Variants in SCAI observed in about 807,000 individuals in gnomAD.
SCAI encodes protein SCAI.
Under a neutral mutation model 92.2 loss-of-function variants are expected in SCAI, and 24 were observed. That is an observed-to-expected ratio of 0.26 (90% CI 0.19 to 0.37). The LOEUF (loss-of-function observed/expected upper bound fraction) is 0.37, where lower values mean the gene tolerates loss of function less well. Ranked by LOEUF, SCAI falls within the 10% of genes least tolerant of loss-of-function variation. The probability of loss-of-function intolerance (pLI) is 1.00; values close to 1 mark genes in which losing one functional copy is unlikely to be tolerated. For missense variants in SCAI, 450 were observed against 736.2 expected (o/e 0.61, Z 4.50); for synonymous variants, 261 against 258.6 (o/e 1.01, Z -0.09).
At chr9:125,114,414 A>G (rs939648862) in intron 2 of SCAI, among the ~76,000 whole-genome samples, 1 of 152,200 alleles carries the variant, frequency 6.6e-6, no homozygotes, top group Non-Finnish European at 1.5e-5. Flanking sequence ...AAAAAAAATT[A>G]TACATCTAGT....
intron 14 of SCAI, among the ~76,000 whole-genome samples, chr9:124,976,746 C>T (rs1831765203): frequency 1.3e-5 from 2 of 152,100 alleles, no homozygotes; most frequent in South Asian, 2.1e-4. Context: ...AAATCATAAG[C>T]TGTGTGGTAA....
At chr9:125,054,457 G>C (rs1833624075) in intron 3 of SCAI, among the ~76,000 whole-genome samples, 1 of 151,082 alleles carries the variant, frequency 6.6e-6, no homozygotes, top group African/African-American at 2.4e-5. Flanking sequence ...CTTTATCTCT[G>C]AATTTTCGTA....
At chr9:125,042,841 C>A (rs1442420487) in intron 3 of SCAI, among the ~76,000 whole-genome samples, 1 of 146,506 alleles carries the variant, frequency 6.8e-6, no homozygotes, top group Admixed American at 6.9e-5. Context: ...TTTCTGGGAC[C>A]ACATTCTGCT....
chr9:125,040,730 G>A (rs937501885), intron 3 of SCAI, among the ~76,000 whole-genome samples: 10 of 151,674 alleles, frequency 6.6e-5, no homozygotes, highest in African/African-American at 1.9e-4. Context: ...GGGTTCAAGC[G>A]TTCTCCTGAC....
In SCAI at chr9:125,055,865, A is replaced by G. The variant is rs775369697; in HGVS notation, c.230+11T>C. 5.7e-6 allele frequency: 9 copies of G among 1,585,402 alleles called. No individual in the cohort carries two copies. In the South Asian group the frequency reaches 9.4e-5, roughly 17 times the overall value. ...CTAAAGAAAAGTTCAAAACACCAAG[A>G]GTCCACTCACCTTAACCCATTGAAC... On this transcript the variant is annotated intron_variant, in intron 3 of 17. Coordinates refer to ENST00000336505, the MANE Select transcript of SCAI (RefSeq NM_001144877.3).
chr9:124,984,281 G>T (rs1224870652), intron 14 of SCAI, among the ~76,000 whole-genome samples: 1 of 152,182 alleles, frequency 6.6e-6, no homozygotes, highest in Admixed American at 6.5e-5. Flanking sequence ...GATCAGAGAT[G>T]TTTTTGGAAG....
intron 2 of SCAI, among the ~76,000 whole-genome samples, chr9:125,106,127 A>ATATATATATATG (rs1165192980): frequency 1.2e-5 from 1 of 86,644 alleles, no homozygotes; most frequent in Non-Finnish European, 2.1e-5. Flanking sequence ...AAAAAAATAT[A>ATATATATATATG]TATATATATA....
chr9:125,025,860 T>G (rs1005989226), intron 6 of SCAI, among the ~76,000 whole-genome samples: 2 of 152,228 alleles, frequency 1.3e-5, no homozygotes, highest in East Asian at 3.8e-4. Flanking sequence ...AAAGTGTTCT[T>G]GAGAAAAACA....
chr9:124,985,866 TAAAA>T (rs199869823), intron 14 of SCAI, among the ~76,000 whole-genome samples: 2 of 58,470 alleles, frequency 3.4e-5, no homozygotes, highest in Non-Finnish European at 7.4e-5. Context: ...TCTGTCTCAA[TAAAA>T]AAAAAAAAAA....
intron 14 of SCAI, among the ~76,000 whole-genome samples, chr9:124,983,598 C>A (rs773718250): frequency 6.6e-6 from 1 of 152,226 alleles, no homozygotes; most frequent in Non-Finnish European, 1.5e-5. Context: ...GGCAATCCAC[C>A]CGCCTCAGCC....
intron 2 of SCAI, among the ~76,000 whole-genome samples, chr9:125,094,395 G>A (rs536059476): frequency 3.9e-5 from 6 of 152,236 alleles, no homozygotes; most frequent in East Asian, 3.9e-4. Context: ...AGCTTGGACC[G>A]CTCTTCCCAA....
In SCAI at chr9:125,091,004, G is replaced by T. The variant is rs1360768974; in HGVS notation, c.99-34997C>A. Among the ~76,000 whole-genome samples, 2 of 152,152 alleles carry T rather than the reference G, an allele frequency of 1.3e-5. No homozygotes were observed. Among genetic ancestry groups the T allele is most frequent in the Non-Finnish European group, 2.9e-5 (2 of 68,022 alleles). ...ATGGTGGCAGGCGCCTGTAGTTCCA[G>T]CTACTCCGGAGGCTGAGGCAGGAGA... is the stretch of plus-strand genomic sequence containing the variant. On this transcript the variant is annotated intron_variant, in intron 2 of 17. Coordinates refer to ENST00000336505, the MANE Select transcript of SCAI (RefSeq NM_001144877.3). The surrounding 1 kb of genome is among the most constrained non-coding windows in gnomAD (Gnocchi z 4.3).
intron 2 of SCAI, among the ~76,000 whole-genome samples, chr9:125,104,122 TA>T (rs1174126919): frequency 6.6e-6 from 1 of 151,974 alleles, no homozygotes; most frequent in African/African-American, 2.4e-5. Context: ...AAAACTACAA[TA>T]AAAAAATAAA....
At chr9:125,108,760 C>T (rs1354136981) in intron 2 of SCAI, among the ~76,000 whole-genome samples, 1 of 151,604 alleles carries the variant, frequency 6.6e-6, no homozygotes, top group Non-Finnish European at 1.5e-5. Flanking sequence ...GCCCGGCAGC[C>T]GCCCCGTCCG....
intron 1 of SCAI, 54 bp downstream of exon 1, chr9:125,143,331 C>T (rs1345486082): frequency 8.8e-7 from 1 of 1,130,572 alleles, no homozygotes; most frequent in South Asian, 2.5e-5. Flanking sequence ...CCCCTGGGCC[C>T]GCTCCCTGGC....
At chr9:124,963,470 C>T (rs951966394) in intron 17 of SCAI, among the ~76,000 whole-genome samples, 6 of 151,952 alleles carry the variant, frequency 3.9e-5, no homozygotes, top group Admixed American at 3.9e-4. Context: ...TTGGCCAGGG[C>T]TGAGCACGGT....
intron 14 of SCAI, among the ~76,000 whole-genome samples, chr9:124,978,900 G>A (rs572164407): frequency 5.5e-4 from 83 of 151,428 alleles, no homozygotes; most frequent in African/African-American, 2.0e-3. Context: ...TCGCTCTGTC[G>A]CCCAGGCTGG....
At chr9:125,078,481 T>TTG in intron 2 of SCAI, among the ~76,000 whole-genome samples, 2 of 152,066 alleles carry the variant, frequency 1.3e-5, no homozygotes, top group African/African-American at 4.8e-5. Context: ...TGAGCTGAGA[T>TTG]CACGCCACTG....
intron 2 of SCAI, among the ~76,000 whole-genome samples, chr9:125,080,515 A>G (rs1293416788): frequency 6.6e-6 from 1 of 152,204 alleles, no homozygotes; most frequent in Non-Finnish European, 1.5e-5. Context: ...TATGAGACCC[A>G]AAAGAATCAC....
Sources: gnomAD v4.1 joint callset for allele counts (sites outside exome capture counted in the v4.1 genomes callset) on GRCh38, gnomAD v4.1.1 for gene constraint, Gnocchi (gnomAD v3.1) non-coding constraint, MANE v1.5 for transcripts, NCBI Gene and HGNC (gene_info 2026-07-23, HGNC 2026-07-21) for gene names.